Variants in MTA3 observed in about 807,000 individuals in gnomAD.
MTA3 encodes metastasis associated 1 family member 3.
A neutral mutation model predicts 83.5 loss-of-function variants in MTA3; 34 were observed. The observed-to-expected ratio is 0.41, with a 90% confidence interval of 0.31 to 0.54. The LOEUF is 0.54. MTA3 is among the 20% of genes least tolerant of loss of function. The pLI is 0.33. For synonymous variants in MTA3, 303 were observed against 252.7 expected, an observed-to-expected ratio of 1.20 and a Z score of -1.89; for missense variants, 761 against 726.4, an observed-to-expected ratio of 1.05 and a Z score of -0.55.
intron 16 of MTA3, among the ~76,000 whole-genome samples, chr2:42,747,679 A>G (rs1304198854): frequency 6.6e-6 from 1 of 151,932 alleles, no homozygotes; most frequent in African/African-American, 2.4e-5. Context: ...CTCAGAAAAC[A>G]GAATCTCTCT....
chr2:42,583,905 G>A lies in MTA3; in HGVS notation c.190+4705G>A, dbSNP rs554167009. Among the ~76,000 whole-genome samples the A allele has an allele frequency of 2.0e-5, 3 of 151,618 alleles. No individual in the cohort carries two copies. The South Asian group carries it at 6.2e-4, about 31-fold the overall frequency. On this transcript the variant is annotated intron_variant, in intron 3 of 16. Transcript: ENST00000405094. ...TGCCCAGGCTGGAGTGCAGTGGCGCGTGATCTCAGCTCAACGTAACCTCCA... is the reference window on the plus strand; with the variant it reads ...TGCCCAGGCTGGAGTGCAGTGGCGCATGATCTCAGCTCAACGTAACCTCCA...
At chr2:42,544,923 A>G (rs1676690960) in intron 2 of MTA3, among the ~76,000 whole-genome samples, 1 of 152,158 alleles carries the variant, frequency 6.6e-6, no homozygotes, top group Admixed American at 6.6e-5. Flanking sequence ...GGACAACTTC[A>G]CAGCTGGCAT....
chr2:42,733,900 G>C (rs1460046608), intron 16 of MTA3, among the ~76,000 whole-genome samples: 1 of 152,096 alleles, frequency 6.6e-6, no homozygotes, highest in Non-Finnish European at 1.5e-5. Flanking sequence ...AAAGATACTT[G>C]ATATAAATTT....
At chr2:42,640,391 G>T (rs1400597124) in intron 5 of MTA3, among the ~76,000 whole-genome samples, 155 bp downstream of exon 5, 1 of 152,104 alleles carries the variant, frequency 6.6e-6, no homozygotes, top group South Asian at 2.1e-4. Flanking sequence ...ATGCATTCGG[G>T]TAAATTTGAT....
chr2:42,612,237 C>T (rs759418499), intron 4 of MTA3, among the ~76,000 whole-genome samples: 10 of 152,066 alleles, frequency 6.6e-5, no homozygotes, highest in Non-Finnish European at 1.3e-4. Flanking sequence ...ATTGACTGTG[C>T]GGGATCCTGC....
At chr2:42,672,645 CAAAAAAAAAAAAAAAA>C (rs5830734) in intron 8 of MTA3, among the ~76,000 whole-genome samples, 981 of 51,586 alleles carry the variant, frequency 0.019, 12 homozygotes, top group South Asian at 0.037. Flanking sequence ...ATTCCATCTC[CAAAAAAAAAAAAAAAA>C]AAAAAAAAAA....
chr2:42,645,807 C>T (rs925478934), intron 6 of MTA3, among the ~76,000 whole-genome samples: 2 of 152,232 alleles, frequency 1.3e-5, no homozygotes, highest in African/African-American at 4.8e-5. Flanking sequence ...AGTAAAGCAG[C>T]AAGTGCTGAT....
At chr2:42,583,844 TTTTTG>T (rs995631502) in intron 3 of MTA3, among the ~76,000 whole-genome samples, 3 of 146,824 alleles carry the variant, frequency 2.0e-5, no homozygotes, top group African/African-American at 7.6e-5. Flanking sequence ...ATGGACTCTT[TTTTTG>T]TTTTGTTTTG....
At chr2:42,621,694 C>T (rs576392786) in intron 4 of MTA3, among the ~76,000 whole-genome samples, 51 of 2,256 alleles carry the variant, frequency 0.023, no homozygotes, top group African/African-American at 0.051. Flanking sequence ...CCTCACTTCC[C>T]AGACGGGCGG....
At chr2:42,604,704 G>A (rs1253857642) in intron 3 of MTA3, among the ~76,000 whole-genome samples, 1 of 140,084 alleles carries the variant, frequency 7.1e-6, no homozygotes, top group Admixed American at 7.2e-5. Context: ...AAAGGTCTCT[G>A]GTTTTCCTAG....
chr2:42,590,473 A>G (rs1233992467), intron 3 of MTA3, among the ~76,000 whole-genome samples: 5 of 152,168 alleles, frequency 3.3e-5, no homozygotes, highest in Admixed American at 2.6e-4. Context: ...TCAGATGCAG[A>G]TGCCCAGTCA....
intron 4 of MTA3, 61 bp from the exon 5 acceptor site, chr2:42,640,112 C>T (rs1687574934): frequency 1.7e-6 from 2 of 1,200,972 alleles, no homozygotes; most frequent in Admixed American, 2.1e-5. Flanking sequence ...CTTTGTATTT[C>T]TCATCACTGA....
chr2:42,620,597 A>C lies in MTA3; in HGVS notation c.317+11013A>C, dbSNP rs182511827. On this transcript the variant is annotated intron_variant, in intron 4 of 16. Coordinates refer to ENST00000405094, the MANE Select transcript of MTA3 (RefSeq NM_001330442.2). ...AGCCTTGACCTTCTTAGCTCAAGCA[A>C]TCCTGCCACCTCAGCCTCCCAATTA... Among the ~76,000 whole-genome samples, 6 of 152,250 alleles carry C rather than the reference A, an allele frequency of 3.9e-5. No homozygotes were observed. In the East Asian group the frequency reaches 7.7e-4, roughly 20 times the overall value.
intron 2 of MTA3, among the ~76,000 whole-genome samples, chr2:42,544,984 A>T (rs1558425930): frequency 6.6e-6 from 1 of 152,226 alleles, no homozygotes; most frequent in East Asian, 1.9e-4. Flanking sequence ...TTTGAACAAC[A>T]TAATTGTTTG....
At chr2:42,596,737 T>C (rs1273796745) in intron 3 of MTA3, among the ~76,000 whole-genome samples, 1 of 152,236 alleles carries the variant, frequency 6.6e-6, no homozygotes, top group African/African-American at 2.4e-5. Context: ...TTAGCTTTAC[T>C]TCTGTCATTG....
chr2:42,524,755 C>A (rs1011299671), intron 2 of MTA3, among the ~76,000 whole-genome samples: 5 of 151,076 alleles, frequency 3.3e-5, no homozygotes, highest in Non-Finnish European at 7.4e-5. Context: ...TGTCTCAGAA[C>A]CTGAAAACAC....
At chr2:42,752,503 T>C (rs1428465752) in intron 16 of MTA3, among the ~76,000 whole-genome samples, 1 of 152,190 alleles carries the variant, frequency 6.6e-6, no homozygotes, top group African/African-American at 2.4e-5. Flanking sequence ...TGCTTTTTCA[T>C]TTACTTGTCT....
In MTA3 at chr2:42,755,371, G is replaced by T; in HGVS notation, c.*1972G>T. ...CTTTTGGGAGAGGCCCTCTCACCCAGGCCCAAGAGATTTGGAGACAGGAGT... is the reference window on the plus strand; with the variant it reads ...CTTTTGGGAGAGGCCCTCTCACCCATGCCCAAGAGATTTGGAGACAGGAGT... On this transcript the variant is annotated 3_prime_UTR_variant, in exon 17 of 17. Transcript: ENST00000405094. The T allele has an allele frequency of 1.0e-6, 1 of 985,436 alleles. No individual in the cohort carries two copies. Among genetic ancestry groups the T allele is most frequent in the Non-Finnish European group, 1.2e-6 (1 of 829,956 alleles). The allele number at this position is 985,436 out of a possible 1,614,324, so 61.0% of individuals were successfully genotyped here. A position where few individuals can be genotyped will look rare whatever the true frequency, so the allele number is the denominator to read the frequency against.
intron 2 of MTA3, among the ~76,000 whole-genome samples, chr2:42,515,620 A>C (rs1338707887): frequency 6.6e-6 from 1 of 151,642 alleles, no homozygotes; most frequent in African/African-American, 2.4e-5. Flanking sequence ...CTCCTGCCTC[A>C]GCCTTCTGAG....
Sources: allele counts gnomAD v4.1 joint callset (sites outside exome capture counted in the v4.1 genomes callset), GRCh38; gene constraint gnomAD v4.1.1; transcripts MANE v1.5; gene names NCBI Gene and HGNC (gene_info 2026-07-23, HGNC 2026-07-21).